The following PTDSS1 variants were observed in gnomAD, a reference collection of about 807,000 sequenced individuals.
PTDSS1 encodes the protein phosphatidylserine synthase 1, also known as PSS-1.
Under a neutral mutation model 70.5 loss-of-function variants are expected in PTDSS1, and 45 were observed. The observed-to-expected ratio is 0.64, with a 90% CI of 0.50 to 0.82. The LOEUF (loss-of-function observed/expected upper bound fraction) is 0.82. Among genes scored for constraint, PTDSS1 ranks in the 40% least tolerant of loss-of-function variants. The pLI is 0.00. For missense variants in PTDSS1, 417 were observed against 586.1 expected (o/e 0.71, Z 2.98); for synonymous variants, 188 against 203.8 (o/e 0.92, Z 0.66).
Position 96,336,721 on chromosome 8 carries a change from G to A in PTDSS1, c.*3155G>A, listed in dbSNP as rs1000947701. 7 of 151,950 alleles carry A rather than the reference G, an allele frequency of 4.6e-5. No individual in the cohort carries two copies. Among genetic ancestry groups the A allele is most frequent in the African/African-American group, 1.5e-4 (6 of 41,202 alleles). The allele number at this position is 151,950 out of a possible 1,614,324, so 9.4% of individuals were successfully genotyped here. ...TCAAGATGTAAGGAGAGCTGGCCGG[G>A]CGCAGGGCTCACGCCTGTAATCCCA... On this transcript the variant is annotated 3_prime_UTR_variant, in exon 13 of 13. Coordinates refer to ENST00000517309, the MANE Select transcript of PTDSS1 (RefSeq NM_014754.3).
rs865916315 is a variant in PTDSS1 at position 96,300,650 on chromosome 8, A to T, written c.752+805A>T. Reference sequence around the variant, plus strand: ...TGTGGTTGCTTCAATTGTGTTTAAAACTTTGTTTACTCTATATAACAAAAT... The same window carrying T: ...TGTGGTTGCTTCAATTGTGTTTAAATCTTTGTTTACTCTATATAACAAAAT... On this transcript the variant is annotated intron_variant, in intron 6 of 12. Transcript: ENST00000517309. Among the ~76,000 whole-genome samples, 6 of 152,190 alleles carry T rather than the reference A, an allele frequency of 3.9e-5. No individual in the cohort carries two copies. The South Asian group carries it at 1.2e-3, about 32-fold the overall frequency.
intron 12 of PTDSS1, among the ~76,000 whole-genome samples, chr8:96,331,509 G>A (rs1811515939): frequency 6.6e-6 from 1 of 151,674 alleles, no homozygotes; most frequent in African/African-American, 2.4e-5. Flanking sequence ...AGCCTGGGCA[G>A]CAGAGTAAGA....
rs1319616236 is a variant in PTDSS1, at chr8:96,295,146, C to G, written c.490C>G (p.His164Asp). The change falls in exon 5 of 13, where the codon CAC becomes GAC. Residue 164 changes from histidine (H) to aspartate (D), a missense_variant. Around this residue, in one of 3 missense-constraint regions of PTDSS1, gnomAD observed 272 missense variants for 429.5 expected, o/e 0.63. Transcript: ENST00000517309. ...HVITWERIIS[H>D]FDIFAFGHFW... ...GATCACCTGGGAGAGGATTATCAGCCACTTTGATATTTTTGCATTTGGACA... is the reference window on the plus strand; with the variant it reads ...GATCACCTGGGAGAGGATTATCAGCGACTTTGATATTTTTGCATTTGGACA... 6.2e-7 allele frequency: 1 copy of G among 1,613,988 alleles called. No homozygotes were observed.
Position 96,262,062 on chromosome 8 carries a change from C to T in PTDSS1, c.22C>T (p.Arg8Trp), listed in dbSNP as rs1435608646. 12 of 1,613,294 alleles carry T rather than the reference C, an allele frequency of 7.4e-6. No homozygotes were observed. The highest frequency in any genetic ancestry group is 1.0e-5 in the Non-Finnish European group (12 of 1,179,598). Residue 8 changes from arginine to tryptophan, a missense_variant, in exon 1 of 13, where the codon CGG becomes TGG. Arg to Trp is a moderately radical substitution (Grantham distance 101). Coordinates refer to ENST00000517309, the MANE Select transcript of PTDSS1 (RefSeq NM_014754.3). This position sits in a 1 kb window ranked among gnomAD's most constrained non-coding sequence, Gnocchi z 4.4. ...GGCCATGGCGTCCTGCGTGGGGAGC[C>T]GGACCCTAAGCAAGGATGATGTGAA... Reference protein sequence around the residue: MASCVGSRTLSKDDVNYK... With the variant: MASCVGSWTLSKDDVNYK...
At chr8:96,308,560 G>C (rs930168114) in intron 8 of PTDSS1, among the ~76,000 whole-genome samples, 1 of 152,174 alleles carries the variant, frequency 6.6e-6, no homozygotes, top group African/African-American at 2.4e-5. Context: ...AAGACTCCAA[G>C]CCATGCTGTC....
chr8:96,291,172 C>T (rs1203094561), intron 4 of PTDSS1, among the ~76,000 whole-genome samples: 1 of 151,978 alleles, frequency 6.6e-6, no homozygotes. Context: ...AGAGGGTGGG[C>T]ATGTTCCCTG....
intron 12 of PTDSS1, among the ~76,000 whole-genome samples, chr8:96,333,256 G>A (rs1480351769): frequency 9.2e-5 from 14 of 152,178 alleles, no homozygotes; most frequent in Admixed American, 9.2e-4. Flanking sequence ...CTATTGCGTT[G>A]AACCCCGCGC....
At chr8:96,274,216 G>A (rs979280432) in intron 2 of PTDSS1, among the ~76,000 whole-genome samples, 3 of 151,650 alleles carry the variant, frequency 2.0e-5, no homozygotes, top group Non-Finnish European at 2.9e-5. Flanking sequence ...TCCATGGGCC[G>A]GACGTACTCG....
chr8:96,286,269 G>A (rs772361248), intron 3 of PTDSS1, among the ~76,000 whole-genome samples: 3 of 152,178 alleles, frequency 2.0e-5, no homozygotes, highest in African/African-American at 7.2e-5. Flanking sequence ...CCTCGTGATC[G>A]TTTCTGAAAT....
chr8:96,332,786 T>C (rs191393656), intron 12 of PTDSS1, among the ~76,000 whole-genome samples: 1 of 150,952 alleles, frequency 6.6e-6, no homozygotes, highest in African/African-American at 2.5e-5. Context: ...CTCTGGTAAC[T>C]TTTTTTTTGT....
intron 7 of PTDSS1, among the ~76,000 whole-genome samples, chr8:96,305,061 T>C (rs1811103628): frequency 6.6e-6 from 1 of 152,170 alleles, no homozygotes; most frequent in Non-Finnish European, 1.5e-5. Flanking sequence ...TTTGGAGAGG[T>C]CAGTATCTTT....
chr8:96,318,759 T>C (rs936373309), intron 9 of PTDSS1, among the ~76,000 whole-genome samples: 3 of 152,158 alleles, frequency 2.0e-5, no homozygotes, highest in African/African-American at 7.2e-5. Flanking sequence ...TTTCTGTTGA[T>C]TTTTCTGCTT....
intron 3 of PTDSS1, among the ~76,000 whole-genome samples, chr8:96,286,524 TTTTAAA>T (rs1438793396): frequency 1.3e-5 from 2 of 152,192 alleles, no homozygotes; most frequent in African/African-American, 2.4e-5. Flanking sequence ...TTAGTTGGCT[TTTTAAA>T]ATGTTACCTA....
At chr8:96,268,653 T>TA (rs1346188667) in intron 1 of PTDSS1, among the ~76,000 whole-genome samples, 1 of 151,222 alleles carries the variant, frequency 6.6e-6, no homozygotes, top group Non-Finnish European at 1.5e-5. Flanking sequence ...TTTTTTTTTT[T>TA]AAACTCAGGG....
At position 96,277,191 on chromosome 8, in the gene PTDSS1, C is replaced by T. The variant is rs572019862; in HGVS notation, c.271+3801C>T. On this transcript the variant is annotated intron_variant, in intron 2 of 12. Coordinates refer to ENST00000517309, the MANE Select transcript of PTDSS1 (RefSeq NM_014754.3). ...ATATATAGCAAACATACTGTGTTTA[C>T]GTCGTTTGTTTTCTAAAGATCTGTT... 2.9e-4 allele frequency among the ~76,000 whole-genome samples: 44 copies of T among 152,322 alleles called. 1 individual carries two copies. The highest frequency in any genetic ancestry group is 1.2e-4 in the Non-Finnish European group (8 of 68,022).
chr8:96,303,362 G>A (rs1811076770), intron 6 of PTDSS1, among the ~76,000 whole-genome samples: 1 of 152,300 alleles, frequency 6.6e-6, no homozygotes, highest in Non-Finnish European at 1.5e-5. Flanking sequence ...TAGAACGGAA[G>A]GCCTGACTGG....
intron 5 of PTDSS1, among the ~76,000 whole-genome samples, chr8:96,298,271 A>G (rs1401494362): frequency 6.6e-6 from 1 of 152,094 alleles, no homozygotes; most frequent in Non-Finnish European, 1.5e-5. Context: ...AAAATTCCTC[A>G]TATTTATAAT....
intron 11 of PTDSS1, chr8:96,330,554 G>A (rs964064064): frequency 1.5e-5 from 7 of 461,042 alleles, no homozygotes; most frequent in African/African-American, 1.4e-4. Flanking sequence ...GAAAAGTGAT[G>A]GGAAAGCTGT....
At chr8:96,317,936 C>T (rs1261424984) in intron 9 of PTDSS1, among the ~76,000 whole-genome samples, 1 of 148,462 alleles carries the variant, frequency 6.7e-6, no homozygotes, top group Non-Finnish European at 1.5e-5. Context: ...CATGCGTATA[C>T]TGGATCACAG....
Sources: allele counts gnomAD v4.1 joint callset (sites outside exome capture counted in the v4.1 genomes callset), GRCh38; gene constraint gnomAD v4.1.1; regional missense constraint gnomAD v4.1.1; non-coding constraint Gnocchi (gnomAD v3.1); transcripts MANE v1.5; gene names NCBI Gene and HGNC (gene_info 2026-07-23, HGNC 2026-07-21).